The following FLOT2 variants were observed in gnomAD, a reference collection of about 807,000 sequenced individuals.
The protein encoded by FLOT2 is flotillin-2.
A neutral mutation model predicts 54.9 loss-of-function variants in FLOT2; 35 were observed. That is an observed-to-expected ratio of 0.64 (90% CI 0.49 to 0.84). The LOEUF (loss-of-function observed/expected upper bound fraction) is 0.84, where lower values mean the gene tolerates loss of function less well. Ranked by LOEUF, FLOT2 falls within the 40% of genes least tolerant of loss-of-function variation. FLOT2 has a pLI of 0.00. For synonymous variants in FLOT2, 207 were observed against 228.9 expected, an observed-to-expected ratio of 0.90 and a Z score of 0.86; for missense variants, 464 against 572.1, an observed-to-expected ratio of 0.81 and a Z score of 1.93.
Position 28,886,062 on chromosome 17 carries a change from G to GGT in FLOT2, c.132-1748_132-1747insAC, listed in dbSNP as rs977620918. 13 of 619,178 alleles carry GGT rather than the reference G, an allele frequency of 2.1e-5. 2 individuals carry two copies. Among genetic ancestry groups the GGT allele is most frequent in the African/African-American group, 8.1e-5 (4 of 49,176 alleles). The allele number at this position is 619,178 out of a possible 1,614,324, so 38.4% of individuals were successfully genotyped here. A position where few individuals can be genotyped will look rare whatever the true frequency, so the allele number is the denominator to read the frequency against. ...CCGATGCCTGACGCCTGGGGGCGGG[G>GGT]GGGGGCATGCTGTCAGTAATCCAAC... On this transcript the variant is annotated intron_variant, in intron 2 of 10. Coordinates refer to ENST00000394908, the MANE Select transcript of FLOT2 (RefSeq NM_004475.3).
chr17:28,887,165 G>A (rs777092008), intron 2 of FLOT2, among the ~76,000 whole-genome samples: 2 of 152,168 alleles, frequency 1.3e-5, no homozygotes, highest in African/African-American at 2.4e-5. Context: ...AAATGCAGCA[G>A]GAGGGGTCAC....
At chr17:28,888,440 T>G (rs1278300586) in intron 2 of FLOT2, among the ~76,000 whole-genome samples, 1 of 152,212 alleles carries the variant, frequency 6.6e-6, no homozygotes, top group Non-Finnish European at 1.5e-5. Context: ...CTGTCTAACT[T>G]ACCACTGTCA....
intron 1 of FLOT2, among the ~76,000 whole-genome samples, chr17:28,891,073 G>T: frequency 6.6e-6 from 1 of 151,974 alleles, no homozygotes; most frequent in East Asian, 1.9e-4. Flanking sequence ...TGGAGACAAG[G>T]TTTCACCATG....
At chr17:28,896,707 G>A (rs987189955) in intron 1 of FLOT2, among the ~76,000 whole-genome samples, 1 of 152,122 alleles carries the variant, frequency 6.6e-6, no homozygotes, top group African/African-American at 2.4e-5. Context: ...CACTGATAGT[G>A]GGAAGATAGA....
Position 28,881,450 on chromosome 17 carries a change from ACCTTCAAAC to A in FLOT2, c.915-84_915-76del, listed in dbSNP as rs1223747059. On this transcript the variant is annotated intron_variant, in intron 8 of 10. Coordinates refer to ENST00000394908, the MANE Select transcript of FLOT2 (RefSeq NM_004475.3). ...TCAAGCCTTGCCTGGGGGCCAGCAA[ACCTTCAAAC>A]CCTCTGCTCTGGGGGCTGTCGGGGT... is the stretch of plus-strand genomic sequence containing the variant. 6 of 1,449,760 alleles carry A rather than the reference ACCTTCAAAC, an allele frequency of 4.1e-6. No individual in the cohort carries two copies. In the South Asian group the frequency reaches 5.9e-5, roughly 14 times the overall value. 89.8% of individuals were successfully genotyped at this position (1,449,760 alleles called of 1,614,324 possible).
chr17:28,897,378 C>T lies in FLOT2; in HGVS notation c.49+148G>A. On this transcript the variant is annotated intron_variant, in intron 1 of 10. Transcript: ENST00000394908. This position sits in a 1 kb window ranked among gnomAD's most constrained non-coding sequence, Gnocchi z 4.4. ...CAAGGAAAGCGTGAGCACGAGATCT[C>T]TCTTGGAAGGGGCCTCAGGTGCGGC... 2 of 695,264 alleles carry T rather than the reference C, an allele frequency of 2.9e-6. No homozygotes were observed. Among genetic ancestry groups the T allele is most frequent in the South Asian group, 2.1e-5 (1 of 48,526 alleles). The allele number at this position is 695,264 out of a possible 1,614,324, so 43.1% of individuals were successfully genotyped here. A position where few individuals can be genotyped will look rare whatever the true frequency, so the allele number is the denominator to read the frequency against.
rs2039435191 is a variant in FLOT2 at position 28,880,844 on chromosome 17, C to A, written c.1117G>T (p.Ala373Ser). ...ALPQIAAKIA[A>S]PLTKVDEIVV... is the part of the protein sequence containing the mutation. ...ATCTCATCGACCTTGGTAAGTGGGG[C>A]AGCGATTTTGGCAGCAATCTAGGAG... The change falls in exon 10 of 11, where the codon GCC becomes TCC. Residue 373 changes from alanine to serine, a missense_variant. Coordinates refer to ENST00000394908, the MANE Select transcript of FLOT2 (RefSeq NM_004475.3). 3.7e-6 allele frequency: 6 copies of A among 1,614,120 alleles called. No individual in the cohort carries two copies. The highest frequency in any genetic ancestry group is 5.1e-6 in the Non-Finnish European group (6 of 1,180,036).
chr17:28,892,695 G>A (rs1416293528), intron 1 of FLOT2: 1 of 151,038 alleles, frequency 6.6e-6, no homozygotes, highest in African/African-American at 2.4e-5. Flanking sequence ...CTGTTGCCCA[G>A]GTTGGAGTGC....
chr17:28,890,706 G>C (rs947297782), intron 1 of FLOT2, among the ~76,000 whole-genome samples: 6 of 151,960 alleles, frequency 3.9e-5, no homozygotes, highest in African/African-American at 1.4e-4. Flanking sequence ...TTCTTGTAGT[G>C]AACTCTCTTG....
At position 28,897,089 on chromosome 17, in the gene FLOT2, C is replaced by T. The variant is rs182413032; in HGVS notation, c.49+437G>A. On this transcript the variant is annotated intron_variant, in intron 1 of 10. Transcript: ENST00000394908. The surrounding 1 kb of genome is among the most constrained non-coding windows in gnomAD (Gnocchi z 4.4). ...CTGTGCCGAGAAACGACCTCTGTTT[C>T]AGGGCCCCTCCCCATACAGGCACCT... is the stretch of plus-strand genomic sequence containing the variant. 1.4e-4 allele frequency among the ~76,000 whole-genome samples: 22 copies of T among 152,338 alleles called. No homozygotes were observed. The highest frequency in any genetic ancestry group is 4.8e-4 in the African/African-American group (20 of 41,584).
chr17:28,880,507 G>A lies in FLOT2; in HGVS notation c.*54C>T, dbSNP rs2039427366. 3.8e-6 allele frequency: 6 copies of A among 1,594,528 alleles called. No homozygotes were observed. Among genetic ancestry groups the A allele is most frequent in the Middle Eastern group, 1.8e-4 (1 of 5,568 alleles). The stretch of plus-strand genomic sequence containing the variant: ...TCCCGTTGTTCTGTGGGATTAAAAC[G>A]GGTGCTGGAGGGAGGGCCGGGTGGC... On this transcript the variant is annotated 3_prime_UTR_variant, in exon 11 of 11. Coordinates refer to ENST00000394908, the MANE Select transcript of FLOT2 (RefSeq NM_004475.3).
chr17:28,887,893 G>T (rs925109716), intron 2 of FLOT2, among the ~76,000 whole-genome samples: 6 of 152,184 alleles, frequency 3.9e-5, no homozygotes, highest in Non-Finnish European at 8.8e-5. Context: ...GGAGAGTGCA[G>T]CGGTTACTGA....
intron 8 of FLOT2, 35 bp from the exon 9 acceptor site, chr17:28,881,410 C>T (rs371802033): frequency 8.8e-6 from 14 of 1,596,766 alleles, no homozygotes; most frequent in South Asian, 3.3e-5. Flanking sequence ...ATCAGTGGGA[C>T]GTACCAGGGT....
At position 28,879,470 on chromosome 17, in the gene FLOT2, G is replaced by T; in HGVS notation, c.*1091C>A. ...CAGGCTGGGGCAGGGCCAGGGTGGGGAGCTGGGACCACTGGACATTCACAG... is the reference window on the plus strand; with the variant it reads ...CAGGCTGGGGCAGGGCCAGGGTGGGTAGCTGGGACCACTGGACATTCACAG... On this transcript the variant is annotated 3_prime_UTR_variant, in exon 11 of 11. Coordinates refer to ENST00000394908, the MANE Select transcript of FLOT2 (RefSeq NM_004475.3). 4 of 987,396 alleles carry T rather than the reference G, an allele frequency of 4.1e-6. No homozygotes were observed. Among genetic ancestry groups the T allele is most frequent in the Non-Finnish European group, 4.8e-6 (4 of 830,262 alleles). The allele number at this position is 987,396 out of a possible 1,614,324, so 61.2% of individuals were successfully genotyped here. A position where few individuals can be genotyped will look rare whatever the true frequency, so the allele number is the denominator to read the frequency against.
rs2039411902 is a variant in FLOT2, at chr17:28,879,450, T to A, written c.*1111A>T. ...CACATGCAGGAAGAGCTACACAGGC[T>A]GGGGCAGGGCCAGGGTGGGGAGCTG... On this transcript the variant is annotated 3_prime_UTR_variant, in exon 11 of 11. Transcript: ENST00000394908. The A allele has an allele frequency of 1.0e-6, 1 of 987,644 alleles. No individual in the cohort carries two copies. The highest frequency in any genetic ancestry group is 1.2e-6 in the Non-Finnish European group (1 of 830,222). The allele number at this position is 987,644 out of a possible 1,614,324, so 61.2% of individuals were successfully genotyped here.
Position 28,897,718 on chromosome 17 carries a change from G to GCC in FLOT2, c.-146_-145dup. 1 of 631,878 alleles carries GCC rather than the reference G, an allele frequency of 1.6e-6. No homozygotes were observed. Among genetic ancestry groups the GCC allele is most frequent in the East Asian group, 3.9e-5 (1 of 25,430 alleles). 39.1% of individuals were successfully genotyped at this position (631,878 alleles called of 1,614,324 possible). On this transcript the variant is annotated 5_prime_UTR_variant, in exon 1 of 11. Transcript: ENST00000394908. This position sits in a 1 kb window ranked among gnomAD's most constrained non-coding sequence, Gnocchi z 4.4. ...TCGCCCGCGCCCCTCTGCGGTCGCAGCCCCGCCGGAAGTGTGGCGGCGGAG... is the reference window on the plus strand; with the variant it reads ...TCGCCCGCGCCCCTCTGCGGTCGCAGCCCCCCGCCGGAAGTGTGGCGGCGGAG...
Position 28,882,493 on chromosome 17 carries a change from G to C in FLOT2, c.466-43C>G, listed in dbSNP as rs760793127. On this transcript the variant is annotated intron_variant, in intron 5 of 10. Transcript: ENST00000394908. This position sits in a 1 kb window ranked among gnomAD's most constrained non-coding sequence, Gnocchi z 5.6. ...TATCAGAGGCTCAAAGGAGCAGCCA[G>C]AGGCACAAAGGTGCCCCTCTAACAA... 1.9e-6 allele frequency: 3 copies of C among 1,599,962 alleles called. No homozygotes were observed. The South Asian group carries it at 3.3e-5, about 18-fold the overall frequency.
rs868191575 is a variant in FLOT2 at position 28,894,707 on chromosome 17, T to C, written c.49+2819A>G. The stretch of plus-strand genomic sequence containing the variant: ...TACTTGGGAGGCTGAGGTGGGAGGA[T>C]TGCTTGAGCCTGGGAGGTCGAGGCT... On this transcript the variant is annotated intron_variant, in intron 1 of 10. Transcript: ENST00000394908. Among the ~76,000 whole-genome samples, 162 of 142,252 alleles carry C rather than the reference T, an allele frequency of 1.1e-3. 2 individuals are homozygous for C. Among genetic ancestry groups the C allele is most frequent in the Admixed American group, 1.0e-3 (14 of 13,912 alleles). The allele number at this position is 142,252 out of a possible 152,430, so 93.3% of individuals were successfully genotyped here.
rs114188965 is a variant in FLOT2, at chr17:28,891,131, T to C, written c.50-2105A>G. Reference sequence around the variant, plus strand: ...CCTGGGCTCAAGCGATCCACATGCGTTGGCCTCTCAAAGTGCTGGGATTAC... The same window carrying C: ...CCTGGGCTCAAGCGATCCACATGCGCTGGCCTCTCAAAGTGCTGGGATTAC... On this transcript the variant is annotated intron_variant, in intron 1 of 10. Coordinates refer to ENST00000394908, the MANE Select transcript of FLOT2 (RefSeq NM_004475.3). 4.2e-3 allele frequency among the ~76,000 whole-genome samples: 635 copies of C among 152,302 alleles called. 7 individuals carry two copies. Among genetic ancestry groups the C allele is most frequent in the African/African-American group, 0.015 (615 of 41,560 alleles).
Sources: gnomAD v4.1 joint callset for allele counts (sites outside exome capture counted in the v4.1 genomes callset) on GRCh38, gnomAD v4.1.1 for gene constraint, Gnocchi (gnomAD v3.1) non-coding constraint, MANE v1.5 for transcripts, NCBI Gene and HGNC (gene_info 2026-07-23, HGNC 2026-07-21) for gene names.